EDARADD: variants seen among roughly 807,000 people sequenced by gnomAD.
EDARADD encodes EDAR associated via death domain, also known as ectodysplasin-A receptor-associated adapter protein.
EDARADD carries 20 observed loss-of-function variants against 25.6 expected under a neutral mutation model. The ratio of observed to expected loss-of-function variants is 0.78; its 90% CI spans 0.55 to 1.14. The LOEUF (loss-of-function observed/expected upper bound fraction) is 1.14, where lower values mean the gene tolerates loss of function less well. Ranked by LOEUF, EDARADD falls within the 50% of genes most tolerant of loss-of-function variation. The probability of loss-of-function intolerance (pLI) is 0.00; values close to 1 mark genes in which losing one functional copy is unlikely to be tolerated. For missense variants in EDARADD, 225 were observed against 270.1 expected, an observed-to-expected ratio of 0.83 and a Z score of 1.17; for synonymous variants, 86 against 94.4, an observed-to-expected ratio of 0.91 and a Z score of 0.52.
chr1:236,349,266 G>A (rs548697635), intron 2 of EDARADD, among the ~76,000 whole-genome samples: 1 of 132,962 alleles, frequency 7.5e-6, no homozygotes, highest in Non-Finnish European at 1.6e-5. Flanking sequence ...CATCTCCCGG[G>A]TTCAAAGCGA....
intron 3 of EDARADD, among the ~76,000 whole-genome samples, chr1:236,359,594 C>T (rs539600281): frequency 5.9e-5 from 9 of 152,310 alleles, no homozygotes; most frequent in Non-Finnish European, 5.9e-5. Flanking sequence ...GTTTAAGGGA[C>T]TTATAGTTCC....
intron 5 of EDARADD, among the ~76,000 whole-genome samples, chr1:236,481,238 C>T (rs1659662799): frequency 6.6e-6 from 1 of 152,096 alleles, no homozygotes; most frequent in Non-Finnish European, 1.5e-5. Context: ...ACTGTCAGGG[C>T]TGACTGGTCA....
intron 3 of EDARADD, among the ~76,000 whole-genome samples, chr1:236,376,460 T>C (rs1667227140): frequency 6.6e-6 from 1 of 152,046 alleles, no homozygotes; most frequent in African/African-American, 2.4e-5. Flanking sequence ...CCATTTTTTC[T>C]CTTTCAATAA....
chr1:236,424,154 CTTT>C (rs34454343), intron 3 of EDARADD, among the ~76,000 whole-genome samples: 30 of 74,416 alleles, frequency 4.0e-4, no homozygotes, highest in African/African-American at 1.1e-3. Context: ...TGTGAAGCAT[CTTT>C]TTTTTTTTTT....
chr1:236,405,862 CTTCCTTCCTTCCTTCTTTCTTTCT>C (rs1558112725), intron 1 of EDARADD, among the ~76,000 whole-genome samples: 35 of 45,506 alleles, frequency 7.7e-4, no homozygotes, highest in African/African-American at 2.9e-3. Flanking sequence ...TCCTTCCTTC[CTTCCTTCCTTCCTTCTTTCTTTCT>C]TTCTTTCTTT....
chr1:236,404,231 C>T (rs576645833), intron 1 of EDARADD, among the ~76,000 whole-genome samples: 4 of 152,270 alleles, frequency 2.6e-5, no homozygotes, highest in African/African-American at 7.2e-5. Flanking sequence ...TCTAGATAAA[C>T]GATTTGATTT....
chr1:236,368,059 C>G (rs1289751363), intron 3 of EDARADD, among the ~76,000 whole-genome samples: 1 of 152,094 alleles, frequency 6.6e-6, no homozygotes, highest in Non-Finnish European at 1.5e-5. Flanking sequence ...GCCTGGGCAA[C>G]ATAGTGAGAC....
Position 236,484,049 on chromosome 1 carries a change from C to G in EDARADD, c.*1400C>G. ...ACCCAGTGGTGTCTACTGAAGATCC[C>G]TTTGACCAGGATGACTGGGGAGCTT... On this transcript the variant is annotated 3_prime_UTR_variant, in exon 6 of 6. Coordinates refer to ENST00000334232, the MANE Select transcript of EDARADD (RefSeq NM_145861.4). This position sits in a 1 kb window ranked among gnomAD's most constrained non-coding sequence, Gnocchi z 4.1. 6.4e-7 allele frequency: 1 copy of G among 1,566,588 alleles called. No individual in the cohort carries two copies. Among genetic ancestry groups the G allele is most frequent in the Non-Finnish European group, 8.8e-7 (1 of 1,138,346 alleles).
chr1:236,441,626 C>T (rs906000374), intron 4 of EDARADD, among the ~76,000 whole-genome samples: 6 of 150,828 alleles, frequency 4.0e-5, no homozygotes, highest in Admixed American at 6.6e-5. Flanking sequence ...TGGGTTCAAG[C>T]GATTCTCCTG....
intron 5 of EDARADD, among the ~76,000 whole-genome samples, 188 bp from the exon 6 acceptor site, chr1:236,482,079 C>T (rs773034066): frequency 9.6e-5 from 14 of 146,424 alleles, no homozygotes; most frequent in Non-Finnish European, 1.8e-4. Flanking sequence ...AGTGCCACTG[C>T]ACTCCAGCCT....
chr1:236,418,016 C>CAT (rs1657684489), intron 3 of EDARADD, among the ~76,000 whole-genome samples: 1 of 142,330 alleles, frequency 7.0e-6, no homozygotes, highest in African/African-American at 2.6e-5. Context: ...TGCAGTGGTG[C>CAT]GATCTCGGCT....
Position 236,483,475 on chromosome 1 carries a change from C to T in EDARADD, c.*826C>T, listed in dbSNP as rs1659740849. 1.9e-6 allele frequency: 2 copies of T among 1,032,706 alleles called. No homozygotes were observed. Among genetic ancestry groups the T allele is most frequent in the Non-Finnish European group, 1.5e-6 (1 of 652,658 alleles). The allele number at this position is 1,032,706 out of a possible 1,614,324, so 64.0% of individuals were successfully genotyped here. ...GAGATGGATGGAACAGAAAATAAAT[C>T]TAAATTTGGTGCAAATGCCATTCTG... On this transcript the variant is annotated 3_prime_UTR_variant, in exon 6 of 6. Coordinates refer to ENST00000334232, the MANE Select transcript of EDARADD (RefSeq NM_145861.4).
intron 3 of EDARADD, among the ~76,000 whole-genome samples, chr1:236,356,993 A>G (rs1261386426): frequency 6.6e-6 from 1 of 152,100 alleles, no homozygotes; most frequent in African/African-American, 2.4e-5. Flanking sequence ...CTGAGGCACT[A>G]GAATTGCTTG....
chr1:236,385,623 C>T (rs1055191027), intron 3 of EDARADD, among the ~76,000 whole-genome samples: 1 of 151,832 alleles, frequency 6.6e-6, no homozygotes, highest in African/African-American at 2.4e-5. Context: ...ACTTGGGAGG[C>T]TGAGGCAGGA....
chr1:236,406,159 G>C (rs1459369584), intron 1 of EDARADD, among the ~76,000 whole-genome samples: 4 of 151,776 alleles, frequency 2.6e-5, no homozygotes, highest in Non-Finnish European at 5.9e-5. Context: ...TATCCTCCAG[G>C]TACCCTGTAG....
chr1:236,357,074 G>T (rs1389094376), intron 3 of EDARADD, among the ~76,000 whole-genome samples: 1 of 148,190 alleles, frequency 6.7e-6, no homozygotes, highest in African/African-American at 2.5e-5. Flanking sequence ...ACAAGAGTGA[G>T]GCTCTGTCTC....
chr1:236,370,788 G>T (rs1667165027), intron 3 of EDARADD, among the ~76,000 whole-genome samples: 1 of 152,204 alleles, frequency 6.6e-6, no homozygotes, highest in African/African-American at 2.4e-5. Context: ...GAAGCTTGTA[G>T]CCTCCAGCTG....
chr1:236,449,961 T>G (rs1350696195), intron 4 of EDARADD, among the ~76,000 whole-genome samples: 1 of 151,700 alleles, frequency 6.6e-6, no homozygotes, highest in Non-Finnish European at 1.5e-5. Flanking sequence ...ATTAGCCGGG[T>G]GTAGTGGTGT....
intron 4 of EDARADD, among the ~76,000 whole-genome samples, chr1:236,432,440 C>T (rs899229799): frequency 1.3e-5 from 2 of 151,328 alleles, no homozygotes; most frequent in African/African-American, 4.9e-5. Context: ...GAATCCATGC[C>T]AAGAGGAGTC....
Sources: gnomAD v4.1 joint callset for allele counts (sites outside exome capture counted in the v4.1 genomes callset) on GRCh38, gnomAD v4.1.1 for gene constraint, Gnocchi (gnomAD v3.1) non-coding constraint, MANE v1.5 for transcripts, NCBI Gene and HGNC (gene_info 2026-07-23, HGNC 2026-07-21) for gene names.